BMPR2: variants seen among roughly 807,000 people sequenced by gnomAD.
BMPR2 encodes bone morphogenetic protein receptor type 2.
A neutral mutation model predicts 100.8 loss-of-function variants in BMPR2; 29 were observed. The observed-to-expected ratio is 0.29, with a 90% CI of 0.21 to 0.39. The LOEUF (loss-of-function observed/expected upper bound fraction) is 0.39, where lower values mean the gene tolerates loss of function less well. Ranked by LOEUF, BMPR2 falls within the 10% of genes least tolerant of loss-of-function variation. The probability of loss-of-function intolerance (pLI) is 1.00; values close to 1 mark genes in which losing one functional copy is unlikely to be tolerated. For missense variants in BMPR2, 1,011 were observed against 1,274.5 expected, an observed-to-expected ratio of 0.79 and a Z score of 3.15; for synonymous variants, 382 against 442.3, an observed-to-expected ratio of 0.86 and a Z score of 1.71.
At chr2:202,411,909 A>G (rs1162461761) in intron 1 of BMPR2, among the ~76,000 whole-genome samples, 2 of 152,196 alleles carry the variant, frequency 1.3e-5, no homozygotes, top group East Asian at 3.8e-4. Flanking sequence ...GAAGTATTAC[A>G]ATTTGTGGAA....
chr2:202,525,272 C>T (rs1172416742), intron 7 of BMPR2, among the ~76,000 whole-genome samples: 1 of 151,724 alleles, frequency 6.6e-6, no homozygotes, highest in East Asian at 1.9e-4. Context: ...AGTGCAATGG[C>T]GCAATCTCAG....
At chr2:202,557,249 G>T (rs1688591896) in intron 12 of BMPR2, among the ~76,000 whole-genome samples, 2 of 151,832 alleles carry the variant, frequency 1.3e-5, no homozygotes, top group Non-Finnish European at 2.9e-5. Flanking sequence ...GGATCACGAG[G>T]TCAAGAGTTC....
At chr2:202,490,372 T>C (rs940174820) in intron 3 of BMPR2, among the ~76,000 whole-genome samples, 11 of 152,188 alleles carry the variant, frequency 7.2e-5, no homozygotes, top group Non-Finnish European at 1.5e-4. Flanking sequence ...CTCAAAGATA[T>C]GTATATATAC....
At chr2:202,540,241 A>T (rs1474269967) in intron 9 of BMPR2, among the ~76,000 whole-genome samples, 2 of 152,190 alleles carry the variant, frequency 1.3e-5, no homozygotes, top group Non-Finnish European at 2.9e-5. Flanking sequence ...ATTTGAAAAA[A>T]AAATAATAAA....
chr2:202,440,582 T>C (rs1327073662), intron 1 of BMPR2, among the ~76,000 whole-genome samples: 1 of 150,658 alleles, frequency 6.6e-6, no homozygotes, highest in East Asian at 1.9e-4. Context: ...GGGCAGAGGC[T>C]GCAATCTCGG....
At chr2:202,549,246 AATT>A (rs1323112500) in intron 10 of BMPR2, among the ~76,000 whole-genome samples, 1 of 152,028 alleles carries the variant, frequency 6.6e-6, no homozygotes, top group Non-Finnish European at 1.5e-5. Context: ...TATTAGTTAT[AATT>A]ATTATTCATG....
At chr2:202,515,831 A>G (rs1687701782) in intron 5 of BMPR2, among the ~76,000 whole-genome samples, 1 of 152,072 alleles carries the variant, frequency 6.6e-6, no homozygotes, top group African/African-American at 2.4e-5. Context: ...GGAGGTTGCA[A>G]TGAGCCAAGA....
intron 3 of BMPR2, among the ~76,000 whole-genome samples, chr2:202,493,300 CTTTT>C (rs933066995): frequency 7.9e-5 from 12 of 151,204 alleles, no homozygotes; most frequent in Non-Finnish European, 1.6e-4. Flanking sequence ...TCATTAAATA[CTTTT>C]TTTTTAAAGT....
intron 10 of BMPR2, among the ~76,000 whole-genome samples, chr2:202,550,418 A>G (rs758478160): frequency 7.3e-5 from 11 of 150,542 alleles, no homozygotes; most frequent in Admixed American, 2.6e-4. Flanking sequence ...GAATCTTGCT[A>G]TGTTGCCCAG....
chr2:202,466,837 ATCC>A (rs1006683221), intron 2 of BMPR2, among the ~76,000 whole-genome samples: 27 of 150,598 alleles, frequency 1.8e-4, no homozygotes, highest in Non-Finnish European at 3.4e-4. Flanking sequence ...GGCTCAAGTG[ATCC>A]TCCTGCTTTG....
At chr2:202,464,304 T>C (rs1056903550) in intron 1 of BMPR2, among the ~76,000 whole-genome samples, 1 of 151,982 alleles carries the variant, frequency 6.6e-6, no homozygotes, top group Admixed American at 6.6e-5. Context: ...TTTTAGAACA[T>C]ATATATACCC....
intron 1 of BMPR2, among the ~76,000 whole-genome samples, chr2:202,458,676 A>G (rs1487000346): frequency 6.6e-6 from 1 of 152,170 alleles, no homozygotes; most frequent in African/African-American, 2.4e-5. Flanking sequence ...TTATTCAAAA[A>G]GATGGCTTTC....
At chr2:202,415,402 C>T (rs1469987290) in intron 1 of BMPR2, among the ~76,000 whole-genome samples, 1 of 152,002 alleles carries the variant, frequency 6.6e-6, no homozygotes, top group East Asian at 1.9e-4. Flanking sequence ...GCCTGGGAGG[C>T]GGAGGTTGCG....
chr2:202,553,747 G>A (rs1688519304), intron 11 of BMPR2, among the ~76,000 whole-genome samples: 1 of 151,728 alleles, frequency 6.6e-6, no homozygotes, highest in South Asian at 2.1e-4. Flanking sequence ...GGAGTGCAGT[G>A]GCGTGATCCT....
intron 1 of BMPR2, among the ~76,000 whole-genome samples, chr2:202,414,336 G>T (rs1251121572): frequency 6.6e-6 from 1 of 152,148 alleles, no homozygotes; most frequent in African/African-American, 2.4e-5. Flanking sequence ...TTGTTCCCCT[G>T]TCTCCCTGTT....
chr2:202,548,335 T>C (rs1424647235), intron 10 of BMPR2, among the ~76,000 whole-genome samples: 5 of 152,104 alleles, frequency 3.3e-5, no homozygotes, highest in African/African-American at 4.8e-5. Context: ...ACTTGTAGTC[T>C]AAGCTACATA....
intron 1 of BMPR2, among the ~76,000 whole-genome samples, chr2:202,411,371 G>A (rs985229334): frequency 6.6e-6 from 1 of 152,216 alleles, no homozygotes; most frequent in African/African-American, 2.4e-5. Context: ...AGCAGTGGAG[G>A]CAGGCTTTAT....
At chr2:202,448,293 C>CA (rs1453716374) in intron 1 of BMPR2, among the ~76,000 whole-genome samples, 3 of 149,466 alleles carry the variant, frequency 2.0e-5, no homozygotes, top group Admixed American at 6.7e-5. Flanking sequence ...TCTACAAATA[C>CA]AAAAAAAATT....
At chr2:202,547,673 C>T (rs1373820574) in intron 10 of BMPR2, among the ~76,000 whole-genome samples, 5 of 147,478 alleles carry the variant, frequency 3.4e-5, no homozygotes, top group South Asian at 4.3e-4. Context: ...ATCCCAGCAA[C>T]TTGGGAGGCT....
Sources: allele counts gnomAD v4.1 joint callset (sites outside exome capture counted in the v4.1 genomes callset), GRCh38; gene constraint gnomAD v4.1.1; transcripts MANE v1.5; gene names NCBI Gene and HGNC (gene_info 2026-07-23, HGNC 2026-07-21).